Variants in RIT2 observed in about 807,000 individuals in gnomAD.
The protein encoded by RIT2 is GTP-binding protein Rit2.
In RIT2, 24 loss-of-function variants were observed where a neutral mutation model predicts 23.7. The observed-to-expected ratio is 1.01, with a 90% CI of 0.73 to 1.43. The LOEUF (loss-of-function observed/expected upper bound fraction) is 1.43, where lower values mean the gene tolerates loss of function less well. Among genes scored for constraint, RIT2 ranks in the 40% most tolerant of loss-of-function variants. The pLI, the probability that RIT2 is intolerant of heterozygous loss-of-function variation, is 0.00. For missense variants in RIT2, 236 were observed against 266.9 expected (o/e 0.88, Z 0.81); for synonymous variants, 107 against 91.1 (o/e 1.17, Z -0.99).
chr18:42,979,069 C>T (rs1204444855), intron 2 of RIT2, among the ~76,000 whole-genome samples: 3 of 151,882 alleles, frequency 2.0e-5, no homozygotes, highest in Admixed American at 6.6e-5. Context: ...TTATATTTAC[C>T]CATGTGGAAA....
chr18:43,029,117 A>T (rs920871612), intron 2 of RIT2, among the ~76,000 whole-genome samples: 7 of 152,034 alleles, frequency 4.6e-5, no homozygotes, highest in Non-Finnish European at 8.8e-5. Context: ...ATTCAGGAAG[A>T]CTTAACTCTA....
chr18:43,024,498 C>T (rs1438175231), intron 2 of RIT2, among the ~76,000 whole-genome samples: 2 of 151,898 alleles, frequency 1.3e-5, no homozygotes, highest in Admixed American at 6.6e-5. Flanking sequence ...TGGACATTAG[C>T]CTTGGCAAGT....
intron 2 of RIT2, among the ~76,000 whole-genome samples, chr18:43,004,080 A>G (rs1253474357): frequency 6.6e-6 from 1 of 151,846 alleles, no homozygotes; most frequent in African/African-American, 2.4e-5. Flanking sequence ...TACTTTAATT[A>G]TCAGTAGAGA....
At chr18:43,037,167 T>C (rs1376811165) in intron 1 of RIT2, among the ~76,000 whole-genome samples, 1 of 152,210 alleles carries the variant, frequency 6.6e-6, no homozygotes, top group Non-Finnish European at 1.5e-5. Flanking sequence ...TTCATTTATA[T>C]ACACACAAGA....
intron 1 of RIT2, among the ~76,000 whole-genome samples, chr18:43,077,065 T>C (rs1032670485): frequency 1.5e-5 from 2 of 129,060 alleles, no homozygotes; most frequent in East Asian, 5.3e-4. Context: ...ATCCCGCCAC[T>C]GCACTCCAGC....
At position 42,943,703 on chromosome 18, in the gene RIT2, A is replaced by G. The variant is rs138782308; in HGVS notation, c.235-19940T>C. Among the ~76,000 whole-genome samples, 24 of 152,214 alleles carry G rather than the reference A, an allele frequency of 1.6e-4. 1 individual carries two copies. Among genetic ancestry groups the G allele is most frequent in the Non-Finnish European group, 2.9e-4 (20 of 67,996 alleles). On this transcript the variant is annotated intron_variant, in intron 3 of 4. Transcript: ENST00000326695. The stretch of plus-strand genomic sequence containing the variant: ...TCATAGGAAGTTAATTCTTGTTTGT[A>G]TATATTAGCCTATGGTAGAATTGGT...
chr18:43,102,751 T>G (rs1324881308), intron 1 of RIT2, among the ~76,000 whole-genome samples: 5 of 152,004 alleles, frequency 3.3e-5, no homozygotes, highest in Non-Finnish European at 7.4e-5. Context: ...CCTCCCGGGT[T>G]CAAGCGATTC....
At chr18:43,005,084 T>C (rs1482310420) in intron 2 of RIT2, among the ~76,000 whole-genome samples, 1 of 151,850 alleles carries the variant, frequency 6.6e-6, no homozygotes, top group African/African-American at 2.4e-5. Context: ...TTGGAGATTA[T>C]GACATATAAT....
chr18:42,864,450 G>A (rs533330951), intron 4 of RIT2, among the ~76,000 whole-genome samples: 2 of 152,098 alleles, frequency 1.3e-5, no homozygotes, highest in African/African-American at 2.4e-5. Context: ...CTGCACTCTG[G>A]TGTACTCTGA....
chr18:42,849,577 G>C (rs1280424713), intron 4 of RIT2, among the ~76,000 whole-genome samples: 1 of 152,094 alleles, frequency 6.6e-6, no homozygotes, highest in Non-Finnish European at 1.5e-5. Context: ...TATAGTCATT[G>C]ATTATTATTA....
At chr18:42,801,169 T>TGTTA (rs1905531295) in intron 4 of RIT2, among the ~76,000 whole-genome samples, 2 of 152,280 alleles carry the variant, frequency 1.3e-5, no homozygotes, top group Non-Finnish European at 2.9e-5. Context: ...AAGAAACAGT[T>TGTTA]GTTATATCCA....
rs562751959 is a variant in RIT2, at chr18:42,944,988, G to C, written c.235-21225C>G. ...GAGGGCAGTTGCAATGATTAAAGGA[G>C]TTCTGAGAGTGATTATTTTAATTAT... is the stretch of plus-strand genomic sequence containing the variant. On this transcript the variant is annotated intron_variant, in intron 3 of 4. Coordinates refer to ENST00000326695, the MANE Select transcript of RIT2 (RefSeq NM_002930.4). Among the ~76,000 whole-genome samples, 326 of 152,148 alleles carry C rather than the reference G, an allele frequency of 2.1e-3. 1 individual carries two copies. The highest frequency in any genetic ancestry group is 2.7e-3 in the Non-Finnish European group (182 of 67,974).
intron 4 of RIT2, among the ~76,000 whole-genome samples, chr18:42,880,843 T>C (rs889764507): frequency 2.1e-5 from 3 of 142,568 alleles, no homozygotes; most frequent in African/African-American, 8.1e-5. Context: ...ATTTTGCTCC[T>C]GTTGCTCAGG....
At chr18:42,814,236 G>A (rs1307359832) in intron 4 of RIT2, among the ~76,000 whole-genome samples, 2 of 152,152 alleles carry the variant, frequency 1.3e-5, no homozygotes. Context: ...TCAGGGGAGG[G>A]CATTAATCTG....
intron 1 of RIT2, among the ~76,000 whole-genome samples, chr18:43,082,563 G>A (rs1181032387): frequency 2.0e-5 from 3 of 152,128 alleles, no homozygotes; most frequent in African/African-American, 2.4e-5. Context: ...GGGATGTAAC[G>A]CTGGTTCAAT....
intron 3 of RIT2, among the ~76,000 whole-genome samples, chr18:42,937,666 G>A (rs1909494224): frequency 6.6e-6 from 1 of 152,094 alleles, no homozygotes; most frequent in Non-Finnish European, 1.5e-5. Flanking sequence ...ATTGTCTCAG[G>A]GCTGGATCTC....
At chr18:42,982,330 A>G (rs911670726) in intron 2 of RIT2, among the ~76,000 whole-genome samples, 2 of 152,110 alleles carry the variant, frequency 1.3e-5, no homozygotes, top group Non-Finnish European at 2.9e-5. Flanking sequence ...CCCCCAGTCA[A>G]TTGGATGGTG....
chr18:42,931,948 G>A (rs962049643), intron 3 of RIT2, among the ~76,000 whole-genome samples: 16 of 152,006 alleles, frequency 1.1e-4, no homozygotes, highest in Non-Finnish European at 2.1e-4. Flanking sequence ...ATACCCACAC[G>A]TGCTTTCTCT....
At chr18:42,813,760 T>G (rs923602590) in intron 4 of RIT2, among the ~76,000 whole-genome samples, 7 of 152,104 alleles carry the variant, frequency 4.6e-5, no homozygotes, top group Non-Finnish European at 1.0e-4. Flanking sequence ...CAGAGCAGCA[T>G]GTGGAGGCTT....
Sources: gnomAD v4.1 joint callset for allele counts (sites outside exome capture counted in the v4.1 genomes callset) on GRCh38, gnomAD v4.1.1 for gene constraint, MANE v1.5 for transcripts, NCBI Gene and HGNC (gene_info 2026-07-23, HGNC 2026-07-21) for gene names.